The following GPHN variants were observed in gnomAD, a reference collection of about 807,000 sequenced individuals.
GPHN encodes the protein gephyrin.
In GPHN, 17 loss-of-function variants were observed where a neutral mutation model predicts 95.5. That is an observed-to-expected ratio of 0.18 (90% CI 0.12 to 0.27). GPHN has a LOEUF of 0.27. Ranked by LOEUF, GPHN falls within the 10% of genes least tolerant of loss-of-function variation. The pLI, the probability that GPHN is intolerant of heterozygous loss-of-function variation, is 1.00. For synonymous variants in GPHN, 320 were observed against 322.5 expected (o/e 0.99, Z 0.08); for missense variants, 660 against 978.1 (o/e 0.67, Z 4.34).
At chr14:67,513,244 A>T in the GPHN span, among the ~76,000 whole-genome samples, 1 of 152,206 alleles carries the variant, frequency 6.6e-6, no homozygotes, top group Non-Finnish European at 1.5e-5. Context: ...CCGAATAAAT[A>T]GCTTGGGACA....
At chr14:67,186,786 A>C (rs2083371520), downstream of GPHN, among the ~76,000 whole-genome samples, 2 of 152,190 alleles carry the variant, frequency 1.3e-5, no homozygotes, top group African/African-American at 4.8e-5. Context: ...CCTATTATTG[A>C]ACCTAACAGC....
At chr14:67,326,027 G>C in the GPHN span, among the ~76,000 whole-genome samples, 26 of 125,684 alleles carry the variant, frequency 2.1e-4, no homozygotes, top group African/African-American at 8.4e-4. Context: ...GGGTTTCACC[G>C]TGTTAGCCAG....
intron 21 of GPHN, among the ~76,000 whole-genome samples, chr14:67,170,923 C>A (rs530580419): frequency 3.6e-4 from 55 of 152,344 alleles, no homozygotes; most frequent in African/African-American, 1.3e-3. Context: ...TACTGTTCTT[C>A]AGAATAGATG....
chr14:67,397,391 A>G, the GPHN span, among the ~76,000 whole-genome samples: 3 of 152,154 alleles, frequency 2.0e-5, no homozygotes, highest in Admixed American at 1.3e-4. Context: ...GCTCTAATAC[A>G]CCGTGACCTT....
In GPHN at chr14:66,654,360, G is replaced by T. The variant is rs571643470; in HGVS notation, c.65-26747G>T. Among the ~76,000 whole-genome samples the T allele has an allele frequency of 2.0e-4, 31 of 152,188 alleles. No homozygotes were observed. In the South Asian group the frequency reaches 4.8e-3, roughly 23 times the overall value. On this transcript the variant is annotated intron_variant, in intron 1 of 22. Transcript: ENST00000478722. ...TCCGCCTGCCTCAGCCTCCCAAAGT[G>T]CTGGAATTACAGGTGTGAGCCACCA...
chr14:67,388,185 C>T, the GPHN span: 9 of 1,346,254 alleles, frequency 6.7e-6, 1 homozygote, highest in South Asian at 5.8e-5. Context: ...GGAGGGAGGC[C>T]CCTGAGATCT....
At chr14:66,677,570 C>T (rs1170564230) in intron 1 of GPHN, among the ~76,000 whole-genome samples, 1 of 151,678 alleles carries the variant, frequency 6.6e-6, no homozygotes, top group East Asian at 1.9e-4. Flanking sequence ...TTTTGATTTT[C>T]ATGTATTTGT....
intron 8 of GPHN, among the ~76,000 whole-genome samples, chr14:66,958,762 T>C (rs2068700061): frequency 6.6e-6 from 1 of 152,200 alleles, no homozygotes; most frequent in Non-Finnish European, 1.5e-5. Flanking sequence ...CAATGCATGA[T>C]TCTAGTTGGA....
At chr14:66,561,121 A>G (rs1417571623) in intron 1 of GPHN, among the ~76,000 whole-genome samples, 1 of 152,086 alleles carries the variant, frequency 6.6e-6, no homozygotes, top group African/African-American at 2.4e-5. Context: ...AAGCTTTTTG[A>G]TGTGCTGCTG....
At chr14:67,244,187 A>T in the GPHN span, among the ~76,000 whole-genome samples, 159 of 152,300 alleles carry the variant, frequency 1.0e-3, no homozygotes, top group African/African-American at 3.6e-3. Context: ...TAATATTTCA[A>T]ACAATGTTTA....
the GPHN span, among the ~76,000 whole-genome samples, chr14:67,601,377 A>G: frequency 5.3e-5 from 8 of 152,314 alleles, no homozygotes; most frequent in African/African-American, 9.6e-5. Flanking sequence ...GTCAGATCCA[A>G]GAGGGTCTTG....
chr14:66,571,812 A>G (rs55760399), intron 1 of GPHN, among the ~76,000 whole-genome samples: 5,998 of 152,264 alleles, frequency 0.039, 173 homozygotes, highest in Middle Eastern at 0.065. Flanking sequence ...CTCCGTCTCA[A>G]AAATGAAAAC....
the GPHN span, among the ~76,000 whole-genome samples, chr14:67,489,716 C>T: frequency 6.0e-4 from 91 of 152,328 alleles, no homozygotes; most frequent in Middle Eastern, 3.4e-3. Flanking sequence ...TGTAGCCGGG[C>T]GCGGTGGCTC....
At chr14:66,815,051 G>A (rs1175070930) in intron 3 of GPHN, among the ~76,000 whole-genome samples, 1 of 152,064 alleles carries the variant, frequency 6.6e-6, no homozygotes, top group African/African-American at 2.4e-5. Flanking sequence ...AACAAGCTGA[G>A]GAAAGAATCT....
intron 3 of GPHN, among the ~76,000 whole-genome samples, chr14:66,817,169 CTG>C (rs887121840): frequency 7.9e-5 from 12 of 151,912 alleles, no homozygotes; most frequent in African/African-American, 2.9e-4. Context: ...TCTCTGATGT[CTG>C]TAACATCAAG....
At chr14:67,382,901 G>A in the GPHN span, among the ~76,000 whole-genome samples, 14 of 140,766 alleles carry the variant, frequency 9.9e-5, no homozygotes, top group African/African-American at 3.4e-4. Flanking sequence ...GTGTACGTGC[G>A]TGCGTGCGTG....
At chr14:66,672,198 T>C (rs2066335884) in intron 1 of GPHN, among the ~76,000 whole-genome samples, 1 of 152,200 alleles carries the variant, frequency 6.6e-6, no homozygotes, top group Non-Finnish European at 1.5e-5. Context: ...ATTTTTGACA[T>C]GTTCTTTAGA....
At chr14:66,883,405 A>T (rs2064025399) in intron 5 of GPHN, among the ~76,000 whole-genome samples, 1 of 152,004 alleles carries the variant, frequency 6.6e-6, no homozygotes, top group Admixed American at 6.6e-5. Flanking sequence ...TTGTATTTTT[A>T]CATTTATTTC....
At chr14:66,809,857 T>A (rs1280598871) in intron 3 of GPHN, among the ~76,000 whole-genome samples, 1 of 152,152 alleles carries the variant, frequency 6.6e-6, no homozygotes, top group Non-Finnish European at 1.5e-5. Context: ...AGGTTTTCTC[T>A]CTACTGTATT....
Sources: gnomAD v4.1 joint callset for allele counts (sites outside exome capture counted in the v4.1 genomes callset) on GRCh38, gnomAD v4.1.1 for gene constraint, MANE v1.5 for transcripts, NCBI Gene and HGNC (gene_info 2026-07-23, HGNC 2026-07-21) for gene names.